The following CSMD1 variants were observed in gnomAD, a reference collection of about 807,000 sequenced individuals.
CSMD1 encodes CUB and sushi domain-containing protein 1.
A neutral mutation model predicts 417.5 loss-of-function variants in CSMD1; 213 were observed. That is an observed-to-expected ratio of 0.51 (90% CI 0.46 to 0.57). CSMD1 has a LOEUF of 0.57. CSMD1 is among the 20% of genes least tolerant of loss of function. CSMD1 has a pLI of 0.00. For synonymous variants in CSMD1, 2,862 were observed against 1,736.8 expected, an observed-to-expected ratio of 1.65 and a Z score of -16.11; for missense variants, 6,923 against 4,529.7, an observed-to-expected ratio of 1.53 and a Z score of -15.17.
chr8:4,165,538 G>C (rs764017995), intron 3 of CSMD1, among the ~76,000 whole-genome samples: 21 of 152,052 alleles, frequency 1.4e-4, no homozygotes, highest in African/African-American at 4.8e-4. Flanking sequence ...CAAGTAGGTG[G>C]GACCTCCGGT....
At chr8:3,327,452 T>A (rs60142508) in intron 23 of CSMD1, among the ~76,000 whole-genome samples, 4,240 of 152,332 alleles carry the variant, frequency 0.028, 187 homozygotes, top group African/African-American at 0.098. Context: ...ATCTTTTTTA[T>A]AGCACAGAAA....
At chr8:3,693,603 T>C (rs888368197) in intron 7 of CSMD1, among the ~76,000 whole-genome samples, 16 of 152,198 alleles carry the variant, frequency 1.1e-4, no homozygotes, top group Non-Finnish European at 1.5e-5. Context: ...CCCACCCTTA[T>C]TCCATGAGAG....
chr8:4,967,800 G>A (rs1018158011), intron 1 of CSMD1, among the ~76,000 whole-genome samples: 3 of 152,146 alleles, frequency 2.0e-5, no homozygotes, highest in Admixed American at 6.6e-5. Flanking sequence ...AGAATTCACA[G>A]GGTCGACTGA....
chr8:3,839,107 A>G (rs1016791212), intron 5 of CSMD1, among the ~76,000 whole-genome samples: 87 of 127,202 alleles, frequency 6.8e-4, no homozygotes, highest in African/African-American at 2.3e-3. Context: ...TAGCCTATAT[A>G]TATAGTCTAT....
intron 36 of CSMD1, among the ~76,000 whole-genome samples, chr8:3,184,920 C>T (rs1012369514): frequency 1.3e-5 from 2 of 152,240 alleles, no homozygotes; most frequent in African/African-American, 4.8e-5. Context: ...GCTCCAAAAT[C>T]TAGCCTAAGT....
rs543210244 is a variant in CSMD1 at position 3,528,763 on chromosome 8, C to T, written c.1345-35037G>A. ...TTCCAATTGCTGAGACTATTAATTT[C>T]CTGCAAAACTGAAGGTTGACAGACA... On this transcript the variant is annotated intron_variant, in intron 10 of 69. Transcript: ENST00000635120. Among the ~76,000 whole-genome samples the T allele has an allele frequency of 2.0e-5, 3 of 152,250 alleles. No homozygotes were observed. In the South Asian group the frequency reaches 6.2e-4, roughly 32 times the overall value.
At chr8:4,089,810 G>A (rs1285564738) in intron 3 of CSMD1, among the ~76,000 whole-genome samples, 13 of 152,194 alleles carry the variant, frequency 8.5e-5, no homozygotes, top group East Asian at 1.9e-4. Flanking sequence ...GAGTGTGTTT[G>A]GTCTTGGAGG....
intron 7 of CSMD1, among the ~76,000 whole-genome samples, chr8:3,691,040 T>C (rs1356514073): frequency 1.3e-5 from 2 of 152,062 alleles, no homozygotes; most frequent in African/African-American, 4.8e-5. Flanking sequence ...TATCTTTTTC[T>C]CTCTAACACA....
rs79942393 is a variant in CSMD1, at chr8:3,708,197, C to T, written c.1009+217G>A. ...AGTCTCAGACAGTGATCAGGGCAGACGTGACACATGGTTAGGAGTTAGAAC... is the reference window on the plus strand; with the variant it reads ...AGTCTCAGACAGTGATCAGGGCAGATGTGACACATGGTTAGGAGTTAGAAC... On this transcript the variant is annotated intron_variant, in intron 7 of 69. Coordinates refer to ENST00000635120, the MANE Select transcript of CSMD1 (RefSeq NM_033225.6). Among the ~76,000 whole-genome samples, 31 of 152,226 alleles carry T rather than the reference C, an allele frequency of 2.0e-4. No individual in the cohort carries two copies. The East Asian group carries it at 5.2e-3, about 26-fold the overall frequency.
chr8:4,851,039 G>C (rs1021098817), intron 1 of CSMD1, among the ~76,000 whole-genome samples: 1 of 151,712 alleles, frequency 6.6e-6, no homozygotes, highest in Non-Finnish European at 1.5e-5. Context: ...ATGTTGGTGT[G>C]CTGCACCCAT....
At chr8:4,761,765 CTTGTT>C (rs780503335) in intron 1 of CSMD1, among the ~76,000 whole-genome samples, 3 of 152,026 alleles carry the variant, frequency 2.0e-5, no homozygotes, top group African/African-American at 2.4e-5. Context: ...GAGCATGTAA[CTTGTT>C]TTATCTTTTT....
At chr8:4,949,109 G>A (rs958704522) in intron 1 of CSMD1, among the ~76,000 whole-genome samples, 3 of 151,970 alleles carry the variant, frequency 2.0e-5, no homozygotes, top group African/African-American at 7.3e-5. Context: ...CTGTAAATGT[G>A]GTAAATGGTA....
At chr8:3,213,042 G>T (rs1797702133) in intron 30 of CSMD1, among the ~76,000 whole-genome samples, 1 of 151,856 alleles carries the variant, frequency 6.6e-6, no homozygotes, top group Non-Finnish European at 1.5e-5. Flanking sequence ...GTTAGCCATG[G>T]TCTCGAACTC....
chr8:3,439,552 GTTC>G (rs1814835715), intron 12 of CSMD1, among the ~76,000 whole-genome samples: 1 of 150,390 alleles, frequency 6.6e-6, no homozygotes, highest in African/African-American at 2.4e-5. Flanking sequence ...TTCTTTATGA[GTTC>G]TTATCAGATA....
At chr8:2,938,770 T>G (rs1480534854) in intron 69 of CSMD1, 26 bp from the exon 70 acceptor site, 20 of 1,576,704 alleles carry the variant, frequency 1.3e-5, no homozygotes, top group Non-Finnish European at 1.7e-5. Flanking sequence ...AACAAATCAT[T>G]AGAATCCTGG....
intron 42 of CSMD1, among the ~76,000 whole-genome samples, chr8:3,112,553 T>G (rs934176343): frequency 6.6e-6 from 1 of 152,224 alleles, no homozygotes; most frequent in African/African-American, 2.4e-5. Flanking sequence ...TTGCCATGAT[T>G]TATCTATCAA....
intron 5 of CSMD1, among the ~76,000 whole-genome samples, chr8:3,837,258 T>C (rs1376068872): frequency 6.6e-6 from 1 of 152,176 alleles, no homozygotes; most frequent in Non-Finnish European, 1.5e-5. Context: ...CAACCCTTTG[T>C]AATATCATTT....
chr8:4,910,716 G>C (rs767654893), intron 1 of CSMD1, among the ~76,000 whole-genome samples: 2 of 152,256 alleles, frequency 1.3e-5, no homozygotes, highest in African/African-American at 4.8e-5. Context: ...GATATTCTTT[G>C]TAAGTGTTAA....
At chr8:4,574,676 C>G (rs915995809) in intron 2 of CSMD1, among the ~76,000 whole-genome samples, 1 of 152,166 alleles carries the variant, frequency 6.6e-6, no homozygotes, top group Non-Finnish European at 1.5e-5. Flanking sequence ...TAGCTATACG[C>G]TCTCTTCCAG....
Sources: allele counts gnomAD v4.1 joint callset (sites outside exome capture counted in the v4.1 genomes callset), GRCh38; gene constraint gnomAD v4.1.1; transcripts MANE v1.5; gene names NCBI Gene and HGNC (gene_info 2026-07-23, HGNC 2026-07-21).